The following AP3B1 variants were observed in gnomAD, a reference collection of about 807,000 sequenced individuals.
The protein encoded by AP3B1 is adaptor related protein complex 3 subunit beta 1, also known as AP-3 complex subunit beta-1.
A neutral mutation model predicts 132.5 loss-of-function variants in AP3B1; 61 were observed. The ratio of observed to expected loss-of-function variants is 0.46; its 90% confidence interval spans 0.37 to 0.57. The LOEUF is 0.57. Among genes scored for constraint, AP3B1 ranks in the 20% least tolerant of loss-of-function variants. The pLI is 0.00. For missense variants in AP3B1, 1,120 were observed against 1,289.4 expected (o/e 0.87, Z 2.01); for synonymous variants, 388 against 438.3 (o/e 0.89, Z 1.43).
At chr5:78,080,407 C>T (rs252754) in intron 22 of AP3B1, among the ~76,000 whole-genome samples, 26,032 of 151,510 alleles carry the variant, frequency 0.17, 2,844 homozygotes, top group Admixed American at 0.28. Flanking sequence ...ATATGCATGC[C>T]ACAATTTATG....
chr5:78,175,807 C>T lies in AP3B1; in HGVS notation c.1072G>A (p.Ala358Thr), dbSNP rs1217673237. Residue 358 changes from alanine (A) to threonine (T), a missense_variant, in exon 10 of 27, where the codon GCA (alanine) becomes ACA (threonine). Ala to Thr is a moderately conservative substitution (Grantham distance 58, BLOSUM62 0). Around this residue, in one of 3 missense-constraint regions of AP3B1, gnomAD observed 906 missense variants for 997.1 expected, o/e 0.91. Transcript: ENST00000255194. ...ACCTTTCTTTGAATTGACATAGTTGCTATATTTTGTAGGACAATATACTGC... is the reference window on the plus strand; with the variant it reads ...ACCTTTCTTTGAATTGACATAGTTGTTATATTTTGTAGGACAATATACTGC... The part of the protein sequence containing the change: ...EVQYIVLQNI[A>T]TMSIQRKGMF... 1.2e-6 allele frequency: 2 copies of T among 1,612,186 alleles called. No homozygotes were observed. The highest frequency in any genetic ancestry group is 1.7e-6 in the Non-Finnish European group (2 of 1,179,274).
intron 1 of AP3B1, among the ~76,000 whole-genome samples, chr5:78,279,027 G>C (rs987927485): frequency 2.0e-5 from 3 of 152,002 alleles, no homozygotes; most frequent in Non-Finnish European, 4.4e-5. Context: ...GATTAAAATG[G>C]TATCATATGT....
chr5:78,251,687 T>C (rs544724181), intron 2 of AP3B1, among the ~76,000 whole-genome samples: 1 of 151,992 alleles, frequency 6.6e-6, no homozygotes. Context: ...CAAACTTGAG[T>C]CCCTGGAAAA....
chr5:78,080,743 A>G (rs1749963235), intron 22 of AP3B1, among the ~76,000 whole-genome samples: 2 of 151,402 alleles, frequency 1.3e-5, no homozygotes, highest in Non-Finnish European at 2.9e-5. Context: ...AAACCCAACA[A>G]CCCTCACATG....
intron 3 of AP3B1, among the ~76,000 whole-genome samples, chr5:78,229,062 G>A (rs1746518789): frequency 6.6e-6 from 1 of 151,702 alleles, no homozygotes; most frequent in African/African-American, 2.4e-5. Context: ...CCTCTCCAGT[G>A]GCTGGAACTA....
chr5:78,092,768 C>T (rs1000888229), intron 21 of AP3B1, among the ~76,000 whole-genome samples: 1 of 152,086 alleles, frequency 6.6e-6, no homozygotes, highest in African/African-American at 2.4e-5. Context: ...CCGCCTCAGC[C>T]TCCTGAGTAG....
At chr5:78,227,313 G>C (rs1746436853) in intron 5 of AP3B1, 59 bp downstream of exon 5, 3 of 1,543,838 alleles carry the variant, frequency 1.9e-6, no homozygotes, top group Middle Eastern at 3.5e-4. Context: ...AGCCTCTGTG[G>C]TCTATAACAT....
chr5:78,116,449 C>T (rs192780730), intron 17 of AP3B1, among the ~76,000 whole-genome samples: 1 of 152,280 alleles, frequency 6.6e-6, no homozygotes, highest in Admixed American at 6.5e-5. Flanking sequence ...GTTAAACCAA[C>T]AATCTTATTT....
At position 78,167,630 on chromosome 5, in the gene AP3B1, TATACACAC is replaced by T. The variant is rs1199974123; in HGVS notation, c.1168-1966_1168-1959del. On this transcript the variant is annotated intron_variant, in intron 11 of 26. Coordinates refer to ENST00000255194, the MANE Select transcript of AP3B1 (RefSeq NM_003664.5). ...ATGTGGATAAAGAACATGTTATATA[TATACACAC>T]ACACACACACACACACACACATACA... Among the ~76,000 whole-genome samples, 9 of 150,798 alleles carry T rather than the reference TATACACAC, an allele frequency of 6.0e-5. No individual in the cohort carries two copies. In the East Asian group the frequency reaches 1.6e-3, roughly 26 times the overall value.
At chr5:78,019,793 C>T (rs1747013883) in intron 25 of AP3B1, among the ~76,000 whole-genome samples, 1 of 151,960 alleles carries the variant, frequency 6.6e-6, no homozygotes, top group Admixed American at 6.6e-5. Context: ...AGGAAGCGTG[C>T]CCCTCTTCTT....
chr5:78,030,308 T>C (rs1303840835), intron 24 of AP3B1, among the ~76,000 whole-genome samples: 1 of 152,218 alleles, frequency 6.6e-6, no homozygotes, highest in Admixed American at 6.5e-5. Flanking sequence ...TGGTTCTGTC[T>C]CAGATTTAAG....
At chr5:78,287,436 C>T (rs1320444702) in intron 1 of AP3B1, among the ~76,000 whole-genome samples, 1 of 152,090 alleles carries the variant, frequency 6.6e-6, no homozygotes. Context: ...TGTTTACAGG[C>T]AGTATTTCAT....
At chr5:78,276,631 G>A (rs111979689) in intron 1 of AP3B1, among the ~76,000 whole-genome samples, 34,209 of 151,950 alleles carry the variant, frequency 0.23, 4,041 homozygotes, top group Admixed American at 0.28. Flanking sequence ...TACTCAAGAG[G>A]CTGAGGTGGG....
intron 26 of AP3B1, among the ~76,000 whole-genome samples, chr5:78,011,461 C>T (rs1746624628): frequency 6.6e-6 from 1 of 152,176 alleles, no homozygotes; most frequent in Admixed American, 6.5e-5. Flanking sequence ...GGCTCTGATC[C>T]TATCACTCAT....
chr5:78,263,788 T>C (rs2112557164), intron 2 of AP3B1, among the ~76,000 whole-genome samples: 1 of 152,370 alleles, frequency 6.6e-6, no homozygotes, highest in Middle Eastern at 3.4e-3. Context: ...GTTAATGTGG[T>C]ATATTACAAT....
At chr5:78,052,347 C>T (rs1748618789) in intron 22 of AP3B1, among the ~76,000 whole-genome samples, 1 of 152,054 alleles carries the variant, frequency 6.6e-6, no homozygotes, top group African/African-American at 2.4e-5. Flanking sequence ...CGGTATTAAG[C>T]AGGCACCAGC....
At chr5:78,146,218 G>T (rs1753385842) in intron 14 of AP3B1, among the ~76,000 whole-genome samples, 2 of 152,216 alleles carry the variant, frequency 1.3e-5, no homozygotes, top group Admixed American at 1.3e-4. Context: ...GGAACAGAGA[G>T]ATTCTGGGGA....
intron 1 of AP3B1, among the ~76,000 whole-genome samples, chr5:78,267,922 G>C (rs897454184): frequency 3.3e-5 from 5 of 152,060 alleles, no homozygotes; most frequent in Middle Eastern, 6.8e-3. Context: ...AAAAAAATAA[G>C]TAAAAGCTAA....
intron 2 of AP3B1, among the ~76,000 whole-genome samples, chr5:78,244,310 G>A (rs1433248962): frequency 1.3e-5 from 2 of 152,150 alleles, no homozygotes; most frequent in Non-Finnish European, 2.9e-5. Flanking sequence ...TTACTTGGGA[G>A]GCTGAGGCAG....
Sources: allele counts gnomAD v4.1 joint callset (sites outside exome capture counted in the v4.1 genomes callset), GRCh38; gene constraint gnomAD v4.1.1; regional missense constraint gnomAD v4.1.1; transcripts MANE v1.5; gene names NCBI Gene and HGNC (gene_info 2026-07-23, HGNC 2026-07-21).